Variants in MAMDC2 observed in about 807,000 individuals in gnomAD.
The protein encoded by MAMDC2 is MAM domain containing 2, also known as MAM domain-containing protein 2.
A neutral mutation model predicts 89.8 loss-of-function variants in MAMDC2; 57 were observed. That is an observed-to-expected ratio of 0.63 (90% CI 0.51 to 0.79). The LOEUF (loss-of-function observed/expected upper bound fraction) is 0.79, where lower values mean the gene tolerates loss of function less well. Among genes scored for constraint, MAMDC2 ranks in the 30% least tolerant of loss-of-function variants. MAMDC2 has a pLI of 0.00. For missense variants in MAMDC2, 800 were observed against 820.6 expected, an observed-to-expected ratio of 0.97 and a Z score of 0.31; for synonymous variants, 313 against 293.4, an observed-to-expected ratio of 1.07 and a Z score of -0.68.
intron 2 of MAMDC2, among the ~76,000 whole-genome samples, chr9:70,058,688 C>T (rs776894076): frequency 5.3e-5 from 8 of 152,160 alleles, no homozygotes; most frequent in African/African-American, 1.4e-4. Context: ...ACAGCAATTG[C>T]AACGTTCATT....
At chr9:70,126,826 GTT>G (rs751533996) in intron 6 of MAMDC2, among the ~76,000 whole-genome samples, 16 of 124,494 alleles carry the variant, frequency 1.3e-4, no homozygotes, top group Admixed American at 1.6e-4. Flanking sequence ...TGAGTGAACT[GTT>G]TTTTTTTTTT....
intron 2 of MAMDC2, among the ~76,000 whole-genome samples, chr9:70,094,353 T>A (rs1827974738): frequency 6.6e-6 from 1 of 152,204 alleles, no homozygotes; most frequent in South Asian, 2.1e-4. Context: ...TCTAGAAATG[T>A]CACACACTGA....
Position 70,140,300 on chromosome 9 carries a change from ATCTG to A in MAMDC2, c.1138+16_1138+19del, listed in dbSNP as rs763789719. The A allele has an allele frequency of 6.3e-7, 1 of 1,588,686 alleles. No individual in the cohort carries two copies. ...CACTACAGGCTTAGGTAAATCAGAGATCTGTCTATGTGGGGACATCTTGGGTAGT... is the reference window on the plus strand; with the variant it reads ...CACTACAGGCTTAGGTAAATCAGAGATCTATGTGGGGACATCTTGGGTAGT... On this transcript the variant is annotated intron_variant, in intron 8 of 13. Transcript: ENST00000377182.
intron 11 of MAMDC2, among the ~76,000 whole-genome samples, chr9:70,191,752 C>T (rs57398306): frequency 0.069 from 10,469 of 152,090 alleles, 578 homozygotes; most frequent in East Asian, 0.22. Flanking sequence ...AATATACTCT[C>T]GGATTTAACT....
chr9:70,166,274 T>TACACACAC (rs761917593), intron 9 of MAMDC2, among the ~76,000 whole-genome samples: 5 of 49,626 alleles, frequency 1.0e-4, no homozygotes, highest in South Asian at 1.2e-3. Context: ...TATATATATA[T>TACACACAC]ATACACACAC....
intron 11 of MAMDC2, among the ~76,000 whole-genome samples, chr9:70,192,543 G>A (rs1166052299): frequency 6.6e-6 from 1 of 152,066 alleles, no homozygotes; most frequent in Non-Finnish European, 1.5e-5. Context: ...AGGGGTAGGA[G>A]GGGAAGAGTA....
Position 70,203,639 on chromosome 9 carries a change from C to A in MAMDC2, c.1652-14698C>A, listed in dbSNP as rs1480241918. On this transcript the variant is annotated intron_variant, in intron 11 of 13. Coordinates refer to ENST00000377182, the MANE Select transcript of MAMDC2 (RefSeq NM_153267.5). Reference sequence around the variant, plus strand: ...TTGGGGAAGTTCTCCTGGATAATATCCTGCAGAGTGTTTTCCAACTTGGTT... The same window carrying A: ...TTGGGGAAGTTCTCCTGGATAATATACTGCAGAGTGTTTTCCAACTTGGTT... Among the ~76,000 whole-genome samples, 138 of 63,456 alleles carry A rather than the reference C, an allele frequency of 2.2e-3. 3 individuals carry two copies. The highest frequency in any genetic ancestry group is 0.012 in the Middle Eastern group (2 of 164). The allele number at this position is 63,456 out of a possible 152,430, so 41.6% of individuals were successfully genotyped here. A position where few individuals can be genotyped will look rare whatever the true frequency, so the allele number is the denominator to read the frequency against.
chr9:70,193,010 A>T (rs1365207599), intron 11 of MAMDC2, among the ~76,000 whole-genome samples: 1 of 152,070 alleles, frequency 6.6e-6, no homozygotes, highest in East Asian at 1.9e-4. Flanking sequence ...GGGTGATCAG[A>T]TATTGAGGGT....
At chr9:70,060,371 A>G (rs1393253662) in intron 2 of MAMDC2, among the ~76,000 whole-genome samples, 1 of 152,204 alleles carries the variant, frequency 6.6e-6, no homozygotes, top group Non-Finnish European at 1.5e-5. Flanking sequence ...AAAAGAAATA[A>G]CAGATGAGCT....
At chr9:70,059,443 C>T (rs945806410) in intron 2 of MAMDC2, among the ~76,000 whole-genome samples, 13 of 152,130 alleles carry the variant, frequency 8.5e-5, no homozygotes, top group African/African-American at 3.1e-4. Flanking sequence ...GAATAATGAC[C>T]TGTGTTCTAT....
chr9:70,137,618 T>C (rs1205258432), intron 7 of MAMDC2, among the ~76,000 whole-genome samples: 1 of 152,202 alleles, frequency 6.6e-6, no homozygotes, highest in Non-Finnish European at 1.5e-5. Flanking sequence ...CTTTGGAAAT[T>C]GACAAATTGA....
At chr9:70,056,386 C>T (rs1827025232) in intron 2 of MAMDC2, among the ~76,000 whole-genome samples, 2 of 152,176 alleles carry the variant, frequency 1.3e-5, no homozygotes, top group Non-Finnish European at 2.9e-5. Context: ...TGAAAATTGG[C>T]AACAGCCATC....
intron 11 of MAMDC2, among the ~76,000 whole-genome samples, chr9:70,217,925 T>A (rs2033479969): frequency 6.6e-6 from 1 of 152,176 alleles, no homozygotes; most frequent in South Asian, 2.1e-4. Flanking sequence ...CAGAATCACA[T>A]AAACAACAAA....
chr9:70,124,659 A>G (rs1197637966), intron 5 of MAMDC2, among the ~76,000 whole-genome samples: 1 of 152,060 alleles, frequency 6.6e-6, no homozygotes, highest in Non-Finnish European at 1.5e-5. Flanking sequence ...TCCTCCTAAT[A>G]TTTGTTTCTG....
chr9:70,081,441 G>T lies in MAMDC2; in HGVS notation c.149-26770G>T, dbSNP rs1231277542. On this transcript the variant is annotated intron_variant, in intron 2 of 13. Transcript: ENST00000377182. ...CCTGCCCCTTGCTTGGGATGAGTTT[G>T]TTATACCTTATTTTTATAGTCCTGC... 2.6e-5 allele frequency: 4 copies of T among 151,940 alleles called. No individual in the cohort carries two copies. The East Asian group carries it at 7.7e-4, about 29-fold the overall frequency. The allele number at this position is 151,940 out of a possible 1,614,324, so 9.4% of individuals were successfully genotyped here.
rs754990488 is a variant in MAMDC2 at position 70,112,987 on chromosome 9, T to C, written c.506-8T>C. On this transcript the variant is annotated splice_polypyrimidine_tract_variant and splice_region_variant and intron_variant, in intron 4 of 13. Transcript: ENST00000377182. ...TCTCCATGAAGTGTTTTTGTTTCCC[T>C]TCCCCAGAATGTGACTTTGAAGAAA... The C allele has an allele frequency of 9.9e-6, 16 of 1,613,936 alleles. No homozygotes were observed. The highest frequency in any genetic ancestry group is 1.4e-5 in the Non-Finnish European group (16 of 1,179,962).
chr9:70,083,945 A>C (rs1215247241), intron 2 of MAMDC2, among the ~76,000 whole-genome samples: 1 of 152,110 alleles, frequency 6.6e-6, no homozygotes, highest in Non-Finnish European at 1.5e-5. Context: ...ATTAGCTAAG[A>C]GACTTAAGAA....
chr9:70,116,355 T>G (rs1007245435), intron 5 of MAMDC2, among the ~76,000 whole-genome samples: 1 of 152,214 alleles, frequency 6.6e-6, no homozygotes, highest in African/African-American at 2.4e-5. Flanking sequence ...TCCTTCCTCA[T>G]GCCCATCTGA....
intron 8 of MAMDC2, among the ~76,000 whole-genome samples, chr9:70,143,074 C>T (rs2031280380): frequency 6.6e-6 from 1 of 152,132 alleles, no homozygotes; most frequent in Admixed American, 6.5e-5. Context: ...TAGGCTCTGC[C>T]CAGACACACA....
Sources: gnomAD v4.1 joint callset for allele counts (sites outside exome capture counted in the v4.1 genomes callset) on GRCh38, gnomAD v4.1.1 for gene constraint, MANE v1.5 for transcripts, NCBI Gene and HGNC (gene_info 2026-07-23, HGNC 2026-07-21) for gene names.